The following CDK13 variants were observed in gnomAD, a reference collection of about 807,000 sequenced individuals.
The protein encoded by CDK13 is cyclin-dependent kinase 13.
In CDK13, 40 loss-of-function variants were observed where a neutral mutation model predicts 137.6. The ratio of observed to expected loss-of-function variants is 0.29; its 90% CI spans 0.23 to 0.38. The LOEUF (loss-of-function observed/expected upper bound fraction) is 0.38. Ranked by LOEUF, CDK13 falls within the 10% of genes least tolerant of loss-of-function variation. CDK13 has a pLI of 1.00. For missense variants in CDK13, 1,704 were observed against 1,951.8 expected (o/e 0.87, Z 2.39); for synonymous variants, 869 against 760.1 (o/e 1.14, Z -2.36).
chr7:40,057,048 A>G (rs1786034846), intron 7 of CDK13, among the ~76,000 whole-genome samples: 1 of 152,230 alleles, frequency 6.6e-6, no homozygotes, highest in Non-Finnish European at 1.5e-5. Context: ...TGAGGTCAGG[A>G]GTTCAAGACC....
At chr7:40,082,997 A>G (rs1786702216) in intron 11 of CDK13, among the ~76,000 whole-genome samples, 1 of 151,158 alleles carries the variant, frequency 6.6e-6, no homozygotes, top group Non-Finnish European at 1.5e-5. Flanking sequence ...CAGCTACTCC[A>G]GAGGGTGAGG....
In CDK13 at chr7:39,951,267, G is replaced by A. The variant is rs2116059709; in HGVS notation, c.626G>A (p.Ser209Asn). The A allele has an allele frequency of 7.4e-7, 1 of 1,343,344 alleles. No homozygotes were observed. The allele number at this position is 1,343,344 out of a possible 1,614,324, so 83.2% of individuals were successfully genotyped here. ...GACCGCCGCAGCAGCAGTGGCCGCA[G>A]CAAGGAGCGCCACCGCGAGCACCGG... Reference protein sequence around the residue: ...RRDRRSSSGRSKERHREHRRR... With the variant: ...RRDRRSSSGRNKERHREHRRR... The change falls in exon 1 of 14, where the codon AGC (serine) becomes AAC (asparagine). Residue 209 changes from serine (S) to asparagine (N), a missense_variant. Coordinates refer to ENST00000181839, the MANE Select transcript of CDK13 (RefSeq NM_003718.5).
Position 40,094,986 on chromosome 7 carries a change from T to C in CDK13, c.*6T>C. The C allele has an allele frequency of 7.3e-7, 1 of 1,366,264 alleles. No homozygotes were observed. The highest frequency in any genetic ancestry group is 9.5e-7 in the Non-Finnish European group (1 of 1,054,648). The allele number at this position is 1,366,264 out of a possible 1,614,324, so 84.6% of individuals were successfully genotyped here. A position where few individuals can be genotyped will look rare whatever the true frequency, so the allele number is the denominator to read the frequency against. On this transcript the variant is annotated 3_prime_UTR_variant, in exon 14 of 14. Transcript: ENST00000181839. ...GCAGAGGGTTACCATACTGAGTATC[T>C]GTTTTTCCTCAGGCACATCATTTTT...
At chr7:40,051,416 T>C (rs1785885323) in intron 7 of CDK13, among the ~76,000 whole-genome samples, 1 of 152,208 alleles carries the variant, frequency 6.6e-6, no homozygotes. Flanking sequence ...AGATTTATTG[T>C]ATTGTCTCAA....
intron 5 of CDK13, among the ~76,000 whole-genome samples, chr7:40,004,989 A>T (rs1784766466): frequency 6.6e-6 from 1 of 152,144 alleles, no homozygotes; most frequent in African/African-American, 2.4e-5. Flanking sequence ...AGCCTGGCCA[A>T]CATGGTGAAA....
chr7:40,093,920 AAAAT>A (rs1786982944), intron 13 of CDK13, among the ~76,000 whole-genome samples: 1 of 141,688 alleles, frequency 7.1e-6, no homozygotes. Context: ...AAAAAAAAAA[AAAAT>A]TTTTTTTTTT....
At chr7:40,088,404 T>C in intron 12 of CDK13, 73 bp downstream of exon 12, 1 of 1,130,244 alleles carries the variant, frequency 8.8e-7, no homozygotes, top group Middle Eastern at 2.9e-4. Context: ...TGCTCTAATG[T>C]TAAAGCATCT....
At chr7:40,089,641 CTTTAA>C (rs1373426003) in intron 12 of CDK13, among the ~76,000 whole-genome samples, 1 of 151,000 alleles carries the variant, frequency 6.6e-6, no homozygotes, top group East Asian at 2.0e-4. Context: ...AAACACCCAT[CTTTAA>C]TTTAACACCA....
rs144732307 is a variant in CDK13, at chr7:40,003,206, A to ACTCTCT, written c.2353+1190_2353+1195dup. On this transcript the variant is annotated intron_variant, in intron 5 of 13. Coordinates refer to ENST00000181839, the MANE Select transcript of CDK13 (RefSeq NM_003718.5). ...CACACACACACACACACACACACAC[A>ACTCTCT]CTCTCTCTCTCTCTCTCTCTTACTC... Among the ~76,000 whole-genome samples the ACTCTCT allele has an allele frequency of 2.9e-3, 234 of 79,890 alleles. 2 individuals carry two copies. Among genetic ancestry groups the ACTCTCT allele is most frequent in the African/African-American group, 7.7e-3 (163 of 21,066 alleles). 52.4% of individuals were successfully genotyped at this position (79,890 alleles called of 152,430 possible).
rs1785591653 is a variant in CDK13 at position 40,040,904 on chromosome 7, T to C, written c.2354-4932T>C. ...TTGTTATCTGCATTTAAAGATAGTT[T>C]TAGCTTTCCTATGTCAATTCTTAAA... On this transcript the variant is annotated intron_variant, in intron 5 of 13. Transcript: ENST00000181839. 2.0e-5 allele frequency among the ~76,000 whole-genome samples: 3 copies of C among 152,238 alleles called. No homozygotes were observed. In the South Asian group the frequency reaches 6.2e-4, roughly 32 times the overall value.
chr7:39,976,717 T>A (rs1045293039), intron 1 of CDK13, among the ~76,000 whole-genome samples: 1 of 152,120 alleles, frequency 6.6e-6, no homozygotes, highest in Admixed American at 6.5e-5. Context: ...AGTAAGAGAT[T>A]AACAACAATA....
In CDK13 at chr7:39,987,585, T is replaced by C; in HGVS notation, c.1212-14T>C. ...TTCTCAATTACTGATTAAATCTTAA[T>C]TATTTCTCACCAGACGGTCTGGAAA... On this transcript the variant is annotated splice_polypyrimidine_tract_variant and intron_variant, in intron 1 of 13. Transcript: ENST00000181839. 1 of 1,555,362 alleles carries C rather than the reference T, an allele frequency of 6.4e-7. No homozygotes were observed. The highest frequency in any genetic ancestry group is 2.3e-5 in the East Asian group (1 of 44,260).
intron 13 of CDK13, among the ~76,000 whole-genome samples, chr7:40,093,906 CAA>C (rs1181608576): frequency 3.9e-5 from 4 of 102,882 alleles, no homozygotes. Flanking sequence ...ACCGTGTCAC[CAA>C]AAAAAAAAAA....
intron 5 of CDK13, among the ~76,000 whole-genome samples, chr7:40,029,692 G>C (rs183645335): frequency 3.3e-5 from 5 of 150,898 alleles, no homozygotes; most frequent in East Asian, 2.0e-4. Context: ...TCGCTCTGTT[G>C]CCCAGGCTGG....
intron 6 of CDK13, among the ~76,000 whole-genome samples, chr7:40,046,419 G>A (rs747704040): frequency 2.6e-5 from 4 of 152,120 alleles, no homozygotes; most frequent in Non-Finnish European, 2.9e-5. Context: ...AGAGACGGGC[G>A]GATCACTTGA....
Position 40,094,578 on chromosome 7 carries a change from C to G in CDK13, c.4137C>G (p.Asn1379Lys). The G allele has an allele frequency of 1.2e-6, 2 of 1,612,954 alleles. No individual in the cohort carries two copies. Among genetic ancestry groups the G allele is most frequent in the Non-Finnish European group, 1.7e-6 (2 of 1,179,426 alleles). Residue 1379 changes from asparagine to lysine, a missense_variant, in exon 14 of 14, where the codon AAC becomes AAG. Transcript: ENST00000181839. ...ATTCAGATATTCAGTCTTTGGATAA[C>G]TACAGTACTGCTTCATCTCATTCTG... ...IGNSDIQSLD[N>K]YSTASSHSGG...
At chr7:39,961,907 A>G (rs536725813) in intron 1 of CDK13, among the ~76,000 whole-genome samples, 1 of 152,114 alleles carries the variant, frequency 6.6e-6, no homozygotes, top group South Asian at 2.1e-4. Context: ...TGTCCTTGCA[A>G]TAGTTTGCTG....
At chr7:40,010,528 AC>A (rs1784873305) in intron 5 of CDK13, among the ~76,000 whole-genome samples, 1 of 152,162 alleles carries the variant, frequency 6.6e-6, no homozygotes, top group Non-Finnish European at 1.5e-5. Context: ...TACTAAAAAT[AC>A]AAAAATTAGC....
chr7:40,002,196 T>C (rs17496380), intron 5 of CDK13, 165 bp downstream of exon 5: 6 of 494,274 alleles, frequency 1.2e-5, no homozygotes, highest in Admixed American at 7.6e-5. Flanking sequence ...ATTGATTTAC[T>C]TTAGTGGTTT....
Sources: gnomAD v4.1 joint callset for allele counts (sites outside exome capture counted in the v4.1 genomes callset) on GRCh38, gnomAD v4.1.1 for gene constraint, MANE v1.5 for transcripts, NCBI Gene and HGNC (gene_info 2026-07-23, HGNC 2026-07-21) for gene names.